Variants in PIK3C2B observed in about 807,000 individuals in gnomAD.
PIK3C2B encodes phosphatidylinositol-4-phosphate 3-kinase catalytic subunit type 2 beta, also known as phosphatidylinositol 4-phosphate 3-kinase C2 domain-containing subunit beta.
PIK3C2B carries 83 observed loss-of-function variants against 184.3 expected under a neutral mutation model. That is an observed-to-expected ratio of 0.45 (90% CI 0.38 to 0.54). The LOEUF is 0.54. PIK3C2B is among the 20% of genes least tolerant of loss of function. The pLI is 0.00. For synonymous variants in PIK3C2B, 779 were observed against 837.6 expected (o/e 0.93, Z 1.21); for missense variants, 1,736 against 2,113.5 (o/e 0.82, Z 3.50).
At chr1:204,439,176 A>G in intron 22 of PIK3C2B, 105 bp from the exon 23 acceptor site, 1 of 1,144,734 alleles carries the variant, frequency 8.7e-7, no homozygotes. Flanking sequence ...TTAAGCTGTA[A>G]GGCATTTGGA....
At chr1:204,476,414 C>T (rs1460515161) in intron 1 of PIK3C2B, among the ~76,000 whole-genome samples, 1 of 152,056 alleles carries the variant, frequency 6.6e-6, no homozygotes, top group African/African-American at 2.4e-5. Flanking sequence ...GGTGTGGTGG[C>T]ATGGACCTAT....
rs1366088573 is a variant in PIK3C2B, at chr1:204,447,697, T to C, written c.2347-119A>G. 7.3e-6 allele frequency: 5 copies of C among 687,568 alleles called. No individual in the cohort carries two copies. The East Asian group carries it at 1.3e-4, about 18-fold the overall frequency. 42.6% of individuals were successfully genotyped at this position (687,568 alleles called of 1,614,324 possible). A position where few individuals can be genotyped will look rare whatever the true frequency, so the allele number is the denominator to read the frequency against. On this transcript the variant is annotated intron_variant, in intron 14 of 32. Coordinates refer to ENST00000684373, the MANE Select transcript of PIK3C2B (RefSeq NM_001377334.1). This position sits in a 1 kb window ranked among gnomAD's most constrained non-coding sequence, Gnocchi z 4.1. ...CCTCCCTCACTTTCCCTCAGGTTCT[T>C]TGTAAAATAGCCCTGTTAGACTTGG...
intron 23 of PIK3C2B, among the ~76,000 whole-genome samples, 186 bp downstream of exon 23, chr1:204,438,749 C>G (rs1011228096): frequency 1.3e-5 from 2 of 152,176 alleles, no homozygotes; most frequent in African/African-American, 4.8e-5. Context: ...AGCCAGCTTA[C>G]AAGAGGCATT....
rs1412427042 is a variant in PIK3C2B, at chr1:204,434,425, A to C, written c.3686+14T>G. The C allele has an allele frequency of 6.2e-7, 1 of 1,613,108 alleles. No individual in the cohort carries two copies. The highest frequency in any genetic ancestry group is 8.5e-7 in the Non-Finnish European group (1 of 1,179,370). Reference sequence around the variant, plus strand: ...TGCCCTTCACTCACAATCTGGCTTCAGGAGATCACTTACCGCTTGATGTTG... The same window carrying C: ...TGCCCTTCACTCACAATCTGGCTTCCGGAGATCACTTACCGCTTGATGTTG... On this transcript the variant is annotated intron_variant, in intron 24 of 32. Transcript: ENST00000684373.
At position 204,440,176 on chromosome 1, in the gene PIK3C2B, CCTA is replaced by C. The variant is rs763715496; in HGVS notation, c.3379+13_3379+15del. 7.6e-5 allele frequency: 123 copies of C among 1,609,468 alleles called. No individual in the cohort carries two copies. The highest frequency in any genetic ancestry group is 9.5e-5 in the Non-Finnish European group (112 of 1,177,694). On this transcript the variant is annotated intron_variant, in intron 22 of 32. Coordinates refer to ENST00000684373, the MANE Select transcript of PIK3C2B (RefSeq NM_001377334.1). Reference sequence around the variant, plus strand: ...AGCGGTCCCCTCCTCCACCCTCACCCCTACTCCCAACTGACCTCTGCCCCGGCC... The same window carrying C: ...AGCGGTCCCCTCCTCCACCCTCACCCCTCCCAACTGACCTCTGCCCCGGCC...
intron 22 of PIK3C2B, 66 bp from the exon 23 acceptor site, chr1:204,439,137 C>T (rs1558238180): frequency 6.5e-7 from 1 of 1,536,954 alleles, no homozygotes. Context: ...GAGAGGACTA[C>T]AAGGACTGTG....
At position 204,457,493 on chromosome 1, in the gene PIK3C2B, T is replaced by C. The variant is rs554895517; in HGVS notation, c.1713+235A>G. ...ACTGTGAATAAAGCCTTTACTGGCC[T>C]GGGCTCTCAACAAGCAGTCCCAGGT... is the stretch of plus-strand genomic sequence containing the variant. On this transcript the variant is annotated intron_variant, in intron 9 of 32. Transcript: ENST00000684373. 7.9e-5 allele frequency among the ~76,000 whole-genome samples: 12 copies of C among 152,338 alleles called. No individual in the cohort carries two copies. The South Asian group carries it at 1.2e-3, about 16-fold the overall frequency.
At chr1:204,449,323 C>G (rs1302741910) in intron 13 of PIK3C2B, 27 bp from the exon 14 acceptor site, 1 of 1,536,290 alleles carries the variant, frequency 6.5e-7, no homozygotes, top group Non-Finnish European at 8.9e-7. Flanking sequence ...GTGGGAAGAG[C>G]TGCTAAAGTG....
At chr1:204,467,561 G>A (rs1308004770) in intron 2 of PIK3C2B, among the ~76,000 whole-genome samples, 1 of 152,076 alleles carries the variant, frequency 6.6e-6, no homozygotes, top group Non-Finnish European at 1.5e-5. Flanking sequence ...GCAGCCAGGG[G>A]CATTGGCTTA....
intron 4 of PIK3C2B, 42 bp downstream of exon 4, chr1:204,464,408 C>T (rs1289640848): frequency 1.3e-6 from 2 of 1,582,966 alleles, no homozygotes; most frequent in East Asian, 2.2e-5. Context: ...CCCCACCCCA[C>T]TTCAAGGGAT....
intron 32 of PIK3C2B, 110 bp downstream of exon 32, chr1:204,425,503 C>T (rs1674696389): frequency 2.5e-6 from 3 of 1,201,362 alleles, no homozygotes; most frequent in South Asian, 1.3e-5. Flanking sequence ...TCAGCAAGTA[C>T]AGCCATGTTC....
At chr1:204,428,546 G>C (rs891061769) in intron 29 of PIK3C2B, among the ~76,000 whole-genome samples, 9 of 152,188 alleles carry the variant, frequency 5.9e-5, no homozygotes, top group Non-Finnish European at 1.2e-4. Flanking sequence ...GTTTGTTTGA[G>C]ATGGAGTCTC....
intron 1 of PIK3C2B, among the ~76,000 whole-genome samples, chr1:204,480,440 C>T (rs1308647730): frequency 1.3e-5 from 2 of 152,070 alleles, no homozygotes; most frequent in African/African-American, 2.4e-5. Flanking sequence ...ATTGTAGACC[C>T]GATGAAGGGA....
chr1:204,455,893 A>G lies in PIK3C2B; in HGVS notation c.1906T>C (p.Tyr636His). Residue 636 changes from tyrosine to histidine, a missense_variant, in exon 11 of 33, where the codon TAT (tyrosine) becomes CAT (histidine). Tyr to His is a moderately conservative substitution (Grantham distance 83, BLOSUM62 2). Coordinates refer to ENST00000684373, the MANE Select transcript of PIK3C2B (RefSeq NM_001377334.1). Reference sequence around the variant, plus strand: ...ATGATGGGGATGCGGTGGGTGGCATAGACAGTGAAGGCCAGGGACCTGGCG... The same window carrying G: ...ATGATGGGGATGCGGTGGGTGGCATGGACAGTGAAGGCCAGGGACCTGGCG... ...HFARSLAFTV[Y>H]ATHRIPIIWA... 2 of 1,613,972 alleles carry G rather than the reference A, an allele frequency of 1.2e-6. No homozygotes were observed. The highest frequency in any genetic ancestry group is 1.7e-6 in the Non-Finnish European group (2 of 1,179,926).
intron 1 of PIK3C2B, among the ~76,000 whole-genome samples, chr1:204,478,697 G>A (rs1325250507): frequency 3.3e-5 from 5 of 152,170 alleles, no homozygotes; most frequent in African/African-American, 1.2e-4. Flanking sequence ...TAAAGCAGCC[G>A]CACATGGTCT....
chr1:204,427,531 G>T (rs1674810108), intron 31 of PIK3C2B, 117 bp downstream of exon 31: 2 of 697,278 alleles, frequency 2.9e-6, no homozygotes, highest in South Asian at 1.6e-5. Context: ...GTCCATGGTG[G>T]ATGCTCAGTA....
Position 204,447,559 on chromosome 1 carries a change from G to A in PIK3C2B, c.2366C>T (p.Ala789Val). 3 of 1,610,342 alleles carry A rather than the reference G, an allele frequency of 1.9e-6. No individual in the cohort carries two copies. The highest frequency in any genetic ancestry group is 1.7e-6 in the Non-Finnish European group (2 of 1,179,070). Reference sequence around the variant, plus strand: ...GGGGCTGGTGAACTTGATGTCAAAGGCCGAGGTGGGGAAGTCAATCTGGGG... The same window carrying A: ...GGGGCTGGTGAACTTGATGTCAAAGACCGAGGTGGGGAAGTCAATCTGGGG... ...VILQIDFPTS[A>V]FDIKFTSPPG... is the part of the protein sequence containing the mutation. The change falls in exon 15 of 33, where the codon GCC becomes GTC. Residue 789 changes from alanine (A) to valine (V), a missense_variant. Transcript: ENST00000684373. This position sits in a 1 kb window ranked among gnomAD's most constrained non-coding sequence, Gnocchi z 4.1.
intron 28 of PIK3C2B, chr1:204,431,429 C>G: frequency 1.8e-6 from 1 of 557,490 alleles, no homozygotes; most frequent in Non-Finnish European, 3.2e-6. Flanking sequence ...TTTGAAACAT[C>G]AGATTCAACC....
chr1:204,443,342 T>C (rs1653543335), intron 19 of PIK3C2B, 75 bp downstream of exon 19: 1 of 1,418,672 alleles, frequency 7.0e-7, no homozygotes, highest in Non-Finnish European at 9.7e-7. Context: ...ATCTTGTTGT[T>C]CAGGATTCCT....
Sources: allele counts gnomAD v4.1 joint callset (sites outside exome capture counted in the v4.1 genomes callset), GRCh38; gene constraint gnomAD v4.1.1; non-coding constraint Gnocchi (gnomAD v3.1); transcripts MANE v1.5; gene names NCBI Gene and HGNC (gene_info 2026-07-23, HGNC 2026-07-21).